The following CAMK2G variants were observed in gnomAD, a reference collection of about 807,000 sequenced individuals.
CAMK2G encodes the protein calcium/calmodulin-dependent protein kinase type II subunit gamma.
A neutral mutation model predicts 88.7 loss-of-function variants in CAMK2G; 23 were observed. The ratio of observed to expected loss-of-function variants is 0.26; its 90% CI spans 0.19 to 0.37. The LOEUF (loss-of-function observed/expected upper bound fraction) is 0.37, where lower values mean the gene tolerates loss of function less well. CAMK2G is among the 10% of genes least tolerant of loss of function. The pLI is 1.00. For synonymous variants in CAMK2G, 263 were observed against 294.8 expected, an observed-to-expected ratio of 0.89 and a Z score of 1.11; for missense variants, 476 against 780.8, an observed-to-expected ratio of 0.61 and a Z score of 4.65.
Position 73,839,919 on chromosome 10 carries a change from C to A in CAMK2G, c.947-318G>T, listed in dbSNP as rs1255256373. On this transcript the variant is annotated intron_variant, in intron 12 of 22. Coordinates refer to ENST00000423381, the MANE Select transcript of CAMK2G (RefSeq NM_001367534.1). The surrounding 1 kb of genome is among the most constrained non-coding windows in gnomAD (Gnocchi z 4.2). ...TGCCTGAGCCGGTGAGAGGCAGGTG[C>A]CCCTTCTGAGGTAGCCCGGCCCTAG... Among the ~76,000 whole-genome samples the A allele has an allele frequency of 1.3e-5, 2 of 152,158 alleles. No homozygotes were observed. Among genetic ancestry groups the A allele is most frequent in the East Asian group, 1.9e-4 (1 of 5,182 alleles).
intron 20 of CAMK2G, 88 bp downstream of exon 20, chr10:73,817,391 C>T: frequency 9.7e-7 from 1 of 1,028,120 alleles, no homozygotes; most frequent in South Asian, 1.3e-5. Context: ...TCCAACCTCC[C>T]TTTCCCCAGG....
chr10:73,831,903 A>G (rs1318159638), intron 14 of CAMK2G, among the ~76,000 whole-genome samples: 1 of 152,098 alleles, frequency 6.6e-6, no homozygotes, highest in Admixed American at 6.6e-5. Context: ...TAATAATACA[A>G]GCACATGTCT....
intron 12 of CAMK2G, among the ~76,000 whole-genome samples, chr10:73,840,903 C>T (rs908786946): frequency 2.0e-5 from 3 of 152,244 alleles, no homozygotes; most frequent in Non-Finnish European, 4.4e-5. Flanking sequence ...TGTGGGACTA[C>T]AGTTGCAACT....
At chr10:73,860,633 C>T (rs1000296603) in intron 3 of CAMK2G, among the ~76,000 whole-genome samples, 197 bp downstream of exon 3, 1 of 152,152 alleles carries the variant, frequency 6.6e-6, no homozygotes, top group African/African-American at 2.4e-5. Context: ...GAGAAGGTGC[C>T]GCAGTGATGC....
At chr10:73,824,454 C>T (rs550664995) in intron 16 of CAMK2G, among the ~76,000 whole-genome samples, 11 of 152,294 alleles carry the variant, frequency 7.2e-5, no homozygotes, top group African/African-American at 2.4e-4. Flanking sequence ...GGCCGGGCCC[C>T]GCCCACAGCG....
chr10:73,858,766 A>G (rs1261535345), intron 3 of CAMK2G, among the ~76,000 whole-genome samples: 1 of 152,260 alleles, frequency 6.6e-6, no homozygotes, highest in Non-Finnish European at 1.5e-5. Flanking sequence ...AGTGAAGTCT[A>G]TGGGGTAAAA....
rs1200893816 is a variant in CAMK2G, at chr10:73,842,335, A to C, written c.903+123T>G. The C allele has an allele frequency of 5.3e-6, 6 of 1,139,520 alleles. No individual in the cohort carries two copies. Among genetic ancestry groups the C allele is most frequent in the Non-Finnish European group, 8.0e-6 (6 of 749,556 alleles). The allele number at this position is 1,139,520 out of a possible 1,614,324, so 70.6% of individuals were successfully genotyped here. On this transcript the variant is annotated intron_variant, in intron 11 of 22. Transcript: ENST00000423381. The surrounding 1 kb of genome is among the most constrained non-coding windows in gnomAD (Gnocchi z 4.6). ...AGGCCTCTGGGCCCCCTCCCCTGTGACATGTACAACCTTCAGAGCCCAGCT... is the reference window on the plus strand; with the variant it reads ...AGGCCTCTGGGCCCCCTCCCCTGTGCCATGTACAACCTTCAGAGCCCAGCT...
At chr10:73,850,931 CG>C (rs1174614122) in intron 5 of CAMK2G, among the ~76,000 whole-genome samples, 1 of 152,188 alleles carries the variant, frequency 6.6e-6, no homozygotes, top group African/African-American at 2.4e-5. Flanking sequence ...GGCAAAAGTG[CG>C]AAGTGTCCCA....
intron 12 of CAMK2G, chr10:73,841,895 A>T (rs2243610): frequency 0.32 from 149,077 of 461,872 alleles, 28,436 homozygotes; most frequent in East Asian, 0.67. Flanking sequence ...TCAGAGAGTT[A>T]AATAAGAATC....
At chr10:73,820,172 T>C (rs961277452) in intron 18 of CAMK2G, among the ~76,000 whole-genome samples, 1 of 152,136 alleles carries the variant, frequency 6.6e-6, no homozygotes, top group Non-Finnish European at 1.5e-5. Context: ...TCTTTTCTGA[T>C]GTCCTGGCCC....
intron 21 of CAMK2G, chr10:73,815,929 A>G: frequency 1.0e-6 from 1 of 978,122 alleles, no homozygotes; most frequent in Non-Finnish European, 1.2e-6. Flanking sequence ...AATGTTAGAC[A>G]GGGGCTACAT....
chr10:73,828,218 G>T, intron 14 of CAMK2G, 97 bp from the exon 15 acceptor site: 1 of 997,972 alleles, frequency 1.0e-6, no homozygotes, highest in Non-Finnish European at 1.6e-6. Context: ...TGTGGGCTCT[G>T]CATCAGGGAG....
At position 73,842,295 on chromosome 10, in the gene CAMK2G, G is replaced by C. The variant is rs1395793866; in HGVS notation, c.904-84C>G. ...CTCAGGCAAAGGCAGGTCCTGGCTA[G>C]AGCCTGAAGACATCAGGCCTCTGGG... On this transcript the variant is annotated intron_variant, in intron 11 of 22. Transcript: ENST00000423381. The surrounding 1 kb of genome is among the most constrained non-coding windows in gnomAD (Gnocchi z 4.6). 27 of 1,269,716 alleles carry C rather than the reference G, an allele frequency of 2.1e-5. No homozygotes were observed. The highest frequency in any genetic ancestry group is 2.7e-5 in the Non-Finnish European group (23 of 866,178). 78.7% of individuals were successfully genotyped at this position (1,269,716 alleles called of 1,614,324 possible).
At chr10:73,858,818 G>A (rs2095227566) in intron 3 of CAMK2G, among the ~76,000 whole-genome samples, 1 of 152,220 alleles carries the variant, frequency 6.6e-6, no homozygotes, top group South Asian at 2.1e-4. Flanking sequence ...AAGACACCTA[G>A]GGCTTTTTTC....
At chr10:73,846,138 A>C (rs897676833) in intron 10 of CAMK2G, among the ~76,000 whole-genome samples, 2 of 152,168 alleles carry the variant, frequency 1.3e-5, no homozygotes, top group African/African-American at 4.8e-5. Flanking sequence ...ATTCTTCTTT[A>C]AAACCCTTAA....
rs1350879696 is a variant in CAMK2G, at chr10:73,813,056, A to C, written c.*1462T>G. 1.3e-5 allele frequency: 2 copies of C among 152,708 alleles called. No homozygotes were observed. The highest frequency in any genetic ancestry group is 2.4e-5 in the African/African-American group (1 of 41,462). 9.5% of individuals were successfully genotyped at this position (152,708 alleles called of 1,614,324 possible). On this transcript the variant is annotated 3_prime_UTR_variant, in exon 23 of 23. Coordinates refer to ENST00000423381, the MANE Select transcript of CAMK2G (RefSeq NM_001367534.1). The stretch of plus-strand genomic sequence containing the variant: ...ACTGGAATCTACCCACCTTTCCCCC[A>C]AAAGTGGAGATGTTTGTGCAGATAA...
intron 3 of CAMK2G, among the ~76,000 whole-genome samples, chr10:73,858,551 C>G (rs1025769785): frequency 1.3e-5 from 2 of 152,314 alleles, no homozygotes; most frequent in South Asian, 2.1e-4. Context: ...TCTGCCCACC[C>G]TCAACCCCAG....
intron 3 of CAMK2G, among the ~76,000 whole-genome samples, chr10:73,858,856 G>A (rs1294791978): frequency 6.6e-6 from 1 of 152,176 alleles, no homozygotes; most frequent in Non-Finnish European, 1.5e-5. Context: ...TGTCCTTCCT[G>A]CTCATTTCTC....
intron 3 of CAMK2G, among the ~76,000 whole-genome samples, chr10:73,858,954 T>C (rs2095238210): frequency 6.6e-6 from 1 of 152,230 alleles, no homozygotes; most frequent in African/African-American, 2.4e-5. Context: ...TCGCGGGTGA[T>C]GTGGACATGG....
Sources: allele counts gnomAD v4.1 joint callset (sites outside exome capture counted in the v4.1 genomes callset), GRCh38; gene constraint gnomAD v4.1.1; non-coding constraint Gnocchi (gnomAD v3.1); transcripts MANE v1.5; gene names NCBI Gene and HGNC (gene_info 2026-07-23, HGNC 2026-07-21).